The following DPP6 variants were observed in gnomAD, a reference collection of about 807,000 sequenced individuals.
DPP6 encodes the protein dipeptidyl peptidase like 6, also known as A-type potassium channel modulatory protein DPP6.
In DPP6, 69 loss-of-function variants were observed where a neutral mutation model predicts 122.6. The observed-to-expected ratio is 0.56, with a 90% CI of 0.46 to 0.69. DPP6 has a LOEUF of 0.69. DPP6 is among the 30% of genes least tolerant of loss of function. The pLI is 0.00. For missense variants in DPP6, 928 were observed against 1,116.9 expected (o/e 0.83, Z 2.41); for synonymous variants, 418 against 433.1 (o/e 0.97, Z 0.43).
intron 1 of DPP6, among the ~76,000 whole-genome samples, chr7:154,294,026 A>G (rs1331306395): frequency 1.3e-5 from 2 of 152,024 alleles, no homozygotes; most frequent in African/African-American, 4.8e-5. Flanking sequence ...CATAGTTTCT[A>G]TCTCATTAAC....
the DPP6 span, among the ~76,000 whole-genome samples, chr7:153,757,990 G>GGC: frequency 2.0e-5 from 3 of 152,070 alleles, no homozygotes; most frequent in African/African-American, 7.2e-5. Flanking sequence ...AAGAACCATA[G>GGC]GCAGAGTGTT....
chr7:154,289,213 C>G (rs1006907232), intron 1 of DPP6, among the ~76,000 whole-genome samples: 4 of 152,166 alleles, frequency 2.6e-5, no homozygotes, highest in African/African-American at 9.7e-5. Context: ...AAAAAGCAGT[C>G]ATCAACTATG....
At chr7:154,371,947 C>T (rs1025447752) in intron 1 of DPP6, among the ~76,000 whole-genome samples, 11 of 151,982 alleles carry the variant, frequency 7.2e-5, no homozygotes, top group South Asian at 2.1e-4. Flanking sequence ...TTTTATGATG[C>T]GGGCAGGAGG....
intron 1 of DPP6, among the ~76,000 whole-genome samples, chr7:154,362,885 G>C (rs1234685556): frequency 1.3e-5 from 2 of 152,206 alleles, no homozygotes; most frequent in Admixed American, 6.5e-5. Flanking sequence ...AGCATCAACT[G>C]GAGCTTGTTT....
chr7:154,488,194 C>T (rs894190381), intron 3 of DPP6, among the ~76,000 whole-genome samples: 3 of 152,106 alleles, frequency 2.0e-5, no homozygotes, highest in Non-Finnish European at 4.4e-5. Context: ...AGTAGACACA[C>T]GTGGGCGGGG....
At chr7:154,879,579 A>T (rs1584964694) in intron 20 of DPP6, among the ~76,000 whole-genome samples, 1 of 77,108 alleles carries the variant, frequency 1.3e-5, no homozygotes, top group Non-Finnish European at 2.1e-5. Context: ...CGACAGCGAG[A>T]CTCCGTCTCA....
Position 154,601,400 on chromosome 7 carries a change from A to G in DPP6, c.627+34484A>G, listed in dbSNP as rs1350861709. ...ATTGAAGCTCTCACAGTAAGCACATATACATTTAGGATTTTCTTGTCTTAT... is the reference window on the plus strand; with the variant it reads ...ATTGAAGCTCTCACAGTAAGCACATGTACATTTAGGATTTTCTTGTCTTAT... On this transcript the variant is annotated intron_variant, in intron 5 of 25. Coordinates refer to ENST00000377770, the MANE Select transcript of DPP6 (RefSeq NM_130797.4). 7.4e-5 allele frequency among the ~76,000 whole-genome samples: 9 copies of G among 121,378 alleles called. 2 individuals carry two copies. The highest frequency in any genetic ancestry group is 2.4e-4 in the African/African-American group (9 of 38,126). 79.6% of individuals were successfully genotyped at this position (121,378 alleles called of 152,430 possible).
chr7:154,321,653 C>T (rs189409200), intron 1 of DPP6, among the ~76,000 whole-genome samples: 12 of 150,982 alleles, frequency 7.9e-5, no homozygotes, highest in Non-Finnish European at 1.3e-4. Context: ...GGCATAGTGG[C>T]GGGTGCCTGT....
At chr7:153,834,088 A>G in the DPP6 span, among the ~76,000 whole-genome samples, 1 of 152,024 alleles carries the variant, frequency 6.6e-6, no homozygotes. Flanking sequence ...GGAATTCAAG[A>G]CCAGTGTGGA....
chr7:154,839,387 C>T (rs1801335490), intron 16 of DPP6, among the ~76,000 whole-genome samples: 1 of 152,202 alleles, frequency 6.6e-6, no homozygotes, highest in Non-Finnish European at 1.5e-5. Flanking sequence ...CAAACGGAGC[C>T]CAGTGGAGCC....
At chr7:154,367,875 C>T (rs1051103130) in intron 1 of DPP6, among the ~76,000 whole-genome samples, 5 of 152,236 alleles carry the variant, frequency 3.3e-5, no homozygotes, top group Admixed American at 2.0e-4. Flanking sequence ...GGCGCGATCT[C>T]GGCTCACTGC....
chr7:153,887,834 A>G (rs1311485627), intron 1 of DPP6: 6 of 1,355,166 alleles, frequency 4.4e-6, no homozygotes, highest in Non-Finnish European at 6.0e-6. Context: ...CCTCCCTGGA[A>G]GGACAGCGAC....
chr7:154,610,708 TG>T, intron 5 of DPP6, among the ~76,000 whole-genome samples: 1 of 1,140 alleles, frequency 8.8e-4, no homozygotes, highest in African/African-American at 1.5e-3. Context: ...TGTTGTTCTC[TG>T]TGTGTGTGTG....
At chr7:154,753,867 C>G (rs1843525946) in intron 8 of DPP6, among the ~76,000 whole-genome samples, 1 of 152,140 alleles carries the variant, frequency 6.6e-6, no homozygotes, top group African/African-American at 2.4e-5. Context: ...ACAGGAATCC[C>G]TCTCCTCTAC....
At chr7:154,161,355 G>C (rs1191691312) in intron 1 of DPP6, among the ~76,000 whole-genome samples, 1 of 152,068 alleles carries the variant, frequency 6.6e-6, no homozygotes, top group East Asian at 1.9e-4. Flanking sequence ...AAATTAGCTG[G>C]GCATGGTGGC....
At chr7:153,785,629 G>A in the DPP6 span, among the ~76,000 whole-genome samples, 1 of 152,036 alleles carries the variant, frequency 6.6e-6, no homozygotes, top group Non-Finnish European at 1.5e-5. Flanking sequence ...CCCTCATTGG[G>A]AAATGGGTAC....
At chr7:154,119,129 TGTG>T (rs1807230052) in intron 1 of DPP6, among the ~76,000 whole-genome samples, 1 of 152,134 alleles carries the variant, frequency 6.6e-6, no homozygotes, top group East Asian at 1.9e-4. Flanking sequence ...CAACTTGTGA[TGTG>T]GGAGTTTCTC....
intron 1 of DPP6, among the ~76,000 whole-genome samples, chr7:154,322,662 A>G (rs1168777659): frequency 6.6e-6 from 1 of 152,144 alleles, no homozygotes; most frequent in Non-Finnish European, 1.5e-5. Flanking sequence ...AGAACAGAAC[A>G]TTTCCTCGAC....
chr7:154,508,119 A>G (rs1019870849), intron 3 of DPP6, among the ~76,000 whole-genome samples: 3 of 152,106 alleles, frequency 2.0e-5, no homozygotes, highest in Non-Finnish European at 2.9e-5. Flanking sequence ...TTCCTTCCCT[A>G]TCCAGGGCTT....
Sources: allele counts gnomAD v4.1 joint callset (sites outside exome capture counted in the v4.1 genomes callset), GRCh38; gene constraint gnomAD v4.1.1; transcripts MANE v1.5; gene names NCBI Gene and HGNC (gene_info 2026-07-23, HGNC 2026-07-21).